The following FGF14 variants were observed in gnomAD, a reference collection of about 807,000 sequenced individuals.
FGF14 encodes the protein fibroblast growth factor 14.
Under a neutral mutation model 25.5 loss-of-function variants are expected in FGF14, and 5 were observed. The observed-to-expected ratio is 0.20, with a 90% CI of 0.10 to 0.41. FGF14 has a LOEUF of 0.41. FGF14 is among the 10% of genes least tolerant of loss of function. The pLI, the probability that FGF14 is intolerant of heterozygous loss-of-function variation, is 1.00. For synonymous variants in FGF14, 138 were observed against 118.3 expected (o/e 1.17, Z -1.08); for missense variants, 222 against 320.1 (o/e 0.69, Z 2.34).
chr13:102,185,611 A>T (rs1329046365), intron 1 of FGF14, among the ~76,000 whole-genome samples: 1 of 152,216 alleles, frequency 6.6e-6, no homozygotes. Context: ...TCTCCATATG[A>T]GTTAATATTA....
chr13:101,972,048 T>C (rs1456726435), intron 1 of FGF14, among the ~76,000 whole-genome samples: 6 of 152,218 alleles, frequency 3.9e-5, no homozygotes, highest in Non-Finnish European at 8.8e-5. Flanking sequence ...TGGGAATACA[T>C]TGAATTAAAC....
chr13:102,264,915 C>T (rs931810373), intron 1 of FGF14, among the ~76,000 whole-genome samples: 29 of 151,956 alleles, frequency 1.9e-4, no homozygotes, highest in African/African-American at 5.8e-4. Context: ...GGGCACAGCA[C>T]GGGATGGAGA....
chr13:102,298,504 A>G (rs2054848692), intron 1 of FGF14, among the ~76,000 whole-genome samples: 1 of 152,200 alleles, frequency 6.6e-6, no homozygotes, highest in Admixed American at 6.5e-5. Flanking sequence ...AAGACATTCT[A>G]TTGAAGGTGA....
intron 1 of FGF14, among the ~76,000 whole-genome samples, chr13:102,351,712 G>A (rs1276021702): frequency 6.6e-6 from 1 of 152,192 alleles, no homozygotes; most frequent in Non-Finnish European, 1.5e-5. Context: ...TCCTCACCAT[G>A]GGGGCCTTTC....
At chr13:102,267,547 G>A (rs960852432) in intron 1 of FGF14, among the ~76,000 whole-genome samples, 2 of 152,088 alleles carry the variant, frequency 1.3e-5, no homozygotes, top group African/African-American at 4.8e-5. Context: ...TATCATACAT[G>A]TAAAGGATAT....
intron 1 of FGF14, among the ~76,000 whole-genome samples, chr13:102,142,351 T>C (rs1414800883): frequency 6.6e-6 from 1 of 152,050 alleles, no homozygotes; most frequent in East Asian, 1.9e-4. Context: ...GCTTGAGTCA[T>C]GCTCGCAGAA....
At chr13:102,385,711 A>G (rs1005775197) in intron 1 of FGF14, among the ~76,000 whole-genome samples, 4 of 152,212 alleles carry the variant, frequency 2.6e-5, no homozygotes, top group Admixed American at 2.0e-4. Flanking sequence ...CTTTCTGAGT[A>G]GCTCTCTTGG....
chr13:102,368,759 T>C (rs1322013169), intron 1 of FGF14, among the ~76,000 whole-genome samples: 1 of 152,182 alleles, frequency 6.6e-6, no homozygotes, highest in Non-Finnish European at 1.5e-5. Flanking sequence ...TCCCCTTCTT[T>C]TGTAATGTTG....
At chr13:102,310,330 CTGTT>C (rs974151693) in intron 1 of FGF14, among the ~76,000 whole-genome samples, 8 of 152,262 alleles carry the variant, frequency 5.3e-5, no homozygotes, top group Admixed American at 3.3e-4. Context: ...TATATTTTTA[CTGTT>C]TGTTTGTTTG....
intron 3 of FGF14, among the ~76,000 whole-genome samples, chr13:101,737,296 A>C (rs1164195874): frequency 6.6e-6 from 1 of 152,112 alleles, no homozygotes; most frequent in Non-Finnish European, 1.5e-5. Context: ...AGGAAGATGC[A>C]AGAAAGATAC....
At chr13:101,886,292 T>C (rs919362900) in intron 1 of FGF14, among the ~76,000 whole-genome samples, 1 of 152,122 alleles carries the variant, frequency 6.6e-6, no homozygotes, top group Non-Finnish European at 1.5e-5. Flanking sequence ...CTTCAAAATA[T>C]ACTACAAAGC....
At chr13:102,140,687 G>T (rs539766752) in intron 1 of FGF14, among the ~76,000 whole-genome samples, 1 of 152,274 alleles carries the variant, frequency 6.6e-6, no homozygotes, top group South Asian at 2.1e-4. Flanking sequence ...ACCTCAAGAT[G>T]AATATGAAAG....
At chr13:102,179,765 T>A (rs558120082) in intron 1 of FGF14, among the ~76,000 whole-genome samples, 85 of 152,212 alleles carry the variant, frequency 5.6e-4, no homozygotes, top group Middle Eastern at 3.4e-3. Context: ...TAATAATAAA[T>A]CTTTAAAACT....
At chr13:102,065,149 A>G (rs1439735093) in intron 1 of FGF14, among the ~76,000 whole-genome samples, 2 of 152,132 alleles carry the variant, frequency 1.3e-5, no homozygotes, top group African/African-American at 2.4e-5. Flanking sequence ...ATCATCATCT[A>G]TTAAGCCTGG....
intron 3 of FGF14, among the ~76,000 whole-genome samples, chr13:101,747,632 T>C (rs1283868172): frequency 6.6e-6 from 1 of 151,830 alleles, no homozygotes; most frequent in African/African-American, 2.4e-5. Flanking sequence ...AAAATAAAAA[T>C]GAAAATCACA....
intron 1 of FGF14, among the ~76,000 whole-genome samples, chr13:101,980,549 A>C (rs995719535): frequency 3.3e-5 from 5 of 152,204 alleles, no homozygotes; most frequent in Admixed American, 2.6e-4. Flanking sequence ...TTCAGGATTT[A>C]CATTTGTTTA....
intron 1 of FGF14, among the ~76,000 whole-genome samples, chr13:102,375,063 C>T (rs2058006353): frequency 6.6e-6 from 1 of 151,960 alleles, no homozygotes; most frequent in East Asian, 1.9e-4. Context: ...AGTAATGTAA[C>T]ACAACTAGTT....
At chr13:102,154,726 T>A (rs1443806308) in intron 1 of FGF14, among the ~76,000 whole-genome samples, 1 of 152,080 alleles carries the variant, frequency 6.6e-6, no homozygotes, top group East Asian at 1.9e-4. Flanking sequence ...ACTGGCAAAT[T>A]GGATAAAGAG....
intron 3 of FGF14, chr13:101,802,090 G>A (rs1360721548): frequency 3.6e-6 from 1 of 274,210 alleles, no homozygotes; most frequent in Non-Finnish European, 7.3e-6. Context: ...AAGTAGGTTC[G>A]GATGGGGAAA....
Sources: allele counts gnomAD v4.1 joint callset (sites outside exome capture counted in the v4.1 genomes callset), GRCh38; gene constraint gnomAD v4.1.1; transcripts MANE v1.5; gene names NCBI Gene and HGNC (gene_info 2026-07-23, HGNC 2026-07-21).